Variants in VOPP1 observed in about 807,000 individuals in gnomAD.
VOPP1 encodes WW domain binding protein VOPP1.
VOPP1 carries 8 observed loss-of-function variants against 23.5 expected under a neutral mutation model. The observed-to-expected ratio is 0.34, with a 90% confidence interval of 0.20 to 0.61. VOPP1 has a LOEUF of 0.61. Ranked by LOEUF, VOPP1 falls within the 20% of genes least tolerant of loss-of-function variation. VOPP1 has a pLI of 0.78. For missense variants in VOPP1, 174 were observed against 238.1 expected (o/e 0.73, Z 1.77); for synonymous variants, 83 against 97.3 (o/e 0.85, Z 0.86).
At chr7:55,534,785 G>A (rs143207095) in intron 1 of VOPP1, among the ~76,000 whole-genome samples, 458 of 152,310 alleles carry the variant, frequency 3.0e-3, no homozygotes, top group African/African-American at 0.01. Flanking sequence ...ACAGCTGAGC[G>A]CTGCTCCCAC....
At chr7:55,544,005 T>C (rs960225026) in intron 1 of VOPP1, among the ~76,000 whole-genome samples, 1 of 152,248 alleles carries the variant, frequency 6.6e-6, no homozygotes, top group Admixed American at 6.5e-5. Context: ...TCCTGAAGCA[T>C]TTCCCCAAAG....
intron 1 of VOPP1, among the ~76,000 whole-genome samples, chr7:55,541,365 C>A (rs1434686512): frequency 6.6e-6 from 1 of 152,120 alleles, no homozygotes; most frequent in Non-Finnish European, 1.5e-5. Context: ...TGAAAAGAAG[C>A]TCAACAACAT....
intron 2 of VOPP1, among the ~76,000 whole-genome samples, chr7:55,513,736 G>A (rs1321282097): frequency 6.6e-6 from 1 of 152,214 alleles, no homozygotes; most frequent in Non-Finnish European, 1.5e-5. Context: ...ATGGAGGTAA[G>A]TAAAGAACCA....
At chr7:55,515,771 C>A (rs1298226545) in intron 2 of VOPP1, among the ~76,000 whole-genome samples, 1 of 152,202 alleles carries the variant, frequency 6.6e-6, no homozygotes, top group African/African-American at 2.4e-5. Flanking sequence ...ATTCAATGCT[C>A]CCTGCAGACA....
At chr7:55,451,659 C>T (rs755261336) in intron 4 of VOPP1, among the ~76,000 whole-genome samples, 1 of 152,086 alleles carries the variant, frequency 6.6e-6, no homozygotes, top group Admixed American at 6.5e-5. Flanking sequence ...GGCGTGCTGG[C>T]GGGTGCCTGT....
intron 4 of VOPP1, among the ~76,000 whole-genome samples, chr7:55,448,622 C>A (rs1035347251): frequency 6.6e-6 from 1 of 152,110 alleles, no homozygotes; most frequent in African/African-American, 2.4e-5. Context: ...AGCCTGGAAT[C>A]CTCCGCGGGA....
At chr7:55,542,777 G>A (rs1280301977) in intron 1 of VOPP1, among the ~76,000 whole-genome samples, 6 of 150,478 alleles carry the variant, frequency 4.0e-5, no homozygotes, top group East Asian at 4.0e-4. Flanking sequence ...GAGACAGAGC[G>A]AGACTCCATC....
chr7:55,515,882 T>A (rs987036317), intron 2 of VOPP1: 1 of 762,956 alleles, frequency 1.3e-6, no homozygotes, highest in Admixed American at 6.3e-5. Context: ...GACAGGGAAG[T>A]GTGCTGTTTG....
intron 2 of VOPP1, among the ~76,000 whole-genome samples, chr7:55,502,995 T>C (rs1049103809): frequency 2.0e-5 from 3 of 152,218 alleles, no homozygotes; most frequent in African/African-American, 7.2e-5. Context: ...ATACACATGA[T>C]ACTTCAAAAG....
intron 4 of VOPP1, among the ~76,000 whole-genome samples, chr7:55,479,001 T>C (rs1222538428): frequency 6.6e-6 from 1 of 152,198 alleles, no homozygotes; most frequent in Non-Finnish European, 1.5e-5. Flanking sequence ...CCGAGGATGC[T>C]GCTGAGCCAT....
chr7:55,568,215 G>T (rs983461909), intron 1 of VOPP1, among the ~76,000 whole-genome samples: 4 of 151,924 alleles, frequency 2.6e-5, no homozygotes, highest in African/African-American at 9.7e-5. Flanking sequence ...GAGTAGCTGG[G>T]ACTACAGGCG....
chr7:55,547,223 G>A (rs1237789537), intron 1 of VOPP1, among the ~76,000 whole-genome samples: 1 of 152,154 alleles, frequency 6.6e-6, no homozygotes, highest in Non-Finnish European at 1.5e-5. Flanking sequence ...CTCTGAGGCT[G>A]GGGACGGGGG....
chr7:55,443,114 G>C (rs372213573), intron 4 of VOPP1, among the ~76,000 whole-genome samples: 2 of 151,690 alleles, frequency 1.3e-5, no homozygotes, highest in Non-Finnish European at 2.9e-5. Context: ...GCAAGACTCC[G>C]TCTCAAAAAA....
chr7:55,522,556 T>C (rs912093329), intron 1 of VOPP1, among the ~76,000 whole-genome samples: 1 of 152,144 alleles, frequency 6.6e-6, no homozygotes, highest in Non-Finnish European at 1.5e-5. Flanking sequence ...AGAAACCAGG[T>C]CTGCCTTCCA....
In VOPP1 at chr7:55,521,574, G is replaced by A. The variant is rs1266416335; in HGVS notation, c.55-444C>T. 1.3e-5 allele frequency: 13 copies of A among 988,796 alleles called. No individual in the cohort carries two copies. The South Asian group carries it at 3.3e-4, about 25-fold the overall frequency. 61.3% of individuals were successfully genotyped at this position (988,796 alleles called of 1,614,324 possible). On this transcript the variant is annotated intron_variant, in intron 1 of 4. Coordinates refer to ENST00000285279, the MANE Select transcript of VOPP1 (RefSeq NM_030796.5). ...TCAGAATATGCTAAAGCCGCATTCC[G>A]ACCTACGTCTGCAAGATGCTGCGAG... is the stretch of plus-strand genomic sequence containing the variant.
Position 55,512,419 on chromosome 7 carries a change from G to A in VOPP1, c.113+8653C>T, listed in dbSNP as rs116404414. 4.6e-3 allele frequency among the ~76,000 whole-genome samples: 689 copies of A among 151,096 alleles called. 4 individuals carry two copies. Among genetic ancestry groups the A allele is most frequent in the African/African-American group, 0.016 (640 of 41,106 alleles). ...CCAGCCTGGGCAAGAGTGAGATTCCGTTTCAAAAAAAAAAGGAAAAGAAAA... is the reference window on the plus strand; with the variant it reads ...CCAGCCTGGGCAAGAGTGAGATTCCATTTCAAAAAAAAAAGGAAAAGAAAA... On this transcript the variant is annotated intron_variant, in intron 2 of 4. Coordinates refer to ENST00000285279, the MANE Select transcript of VOPP1 (RefSeq NM_030796.5).
At chr7:55,435,183 C>A (rs772774777), downstream of VOPP1, among the ~76,000 whole-genome samples, 13 of 152,158 alleles carry the variant, frequency 8.5e-5, no homozygotes, top group Non-Finnish European at 1.6e-4. Context: ...AGGCATTGAG[C>A]CCACTACGTT....
At chr7:55,479,465 T>C (rs781121505) in intron 4 of VOPP1, among the ~76,000 whole-genome samples, 3 of 152,164 alleles carry the variant, frequency 2.0e-5, no homozygotes, top group Non-Finnish European at 4.4e-5. Context: ...AGGTTGTATC[T>C]GTTCATTTTG....
At chr7:55,559,818 T>C (rs569152601) in intron 1 of VOPP1, among the ~76,000 whole-genome samples, 22 of 152,144 alleles carry the variant, frequency 1.4e-4, no homozygotes, top group Non-Finnish European at 2.2e-4. Context: ...ACTGCCCATG[T>C]CAGCCCCACA....
Sources: allele counts gnomAD v4.1 joint callset (sites outside exome capture counted in the v4.1 genomes callset), GRCh38; gene constraint gnomAD v4.1.1; transcripts MANE v1.5; gene names NCBI Gene and HGNC (gene_info 2026-07-23, HGNC 2026-07-21).